Variants in NTRK3 observed in about 807,000 individuals in gnomAD.
NTRK3 encodes the protein NT-3 growth factor receptor.
NTRK3 carries 24 observed loss-of-function variants against 91.7 expected under a neutral mutation model. The observed-to-expected ratio is 0.26, with a 90% confidence interval of 0.19 to 0.37. The LOEUF is 0.37. NTRK3 is among the 10% of genes least tolerant of loss of function. The probability of loss-of-function intolerance (pLI) is 1.00; values close to 1 mark genes in which losing one functional copy is unlikely to be tolerated. For missense variants in NTRK3, 880 were observed against 1,068.9 expected, an observed-to-expected ratio of 0.82 and a Z score of 2.46; for synonymous variants, 483 against 404.0, an observed-to-expected ratio of 1.20 and a Z score of -2.34.
chr15:88,032,759 G>A, intron 14 of NTRK3, 98 bp downstream of exon 14: 6 of 1,334,924 alleles, frequency 4.5e-6, no homozygotes, highest in Non-Finnish European at 6.4e-6. Flanking sequence ...TTGGCAGGTA[G>A]CAGGTCACCC....
chr15:87,931,997 G>A (rs1288210321), intron 16 of NTRK3, among the ~76,000 whole-genome samples: 1 of 152,168 alleles, frequency 6.6e-6, no homozygotes, highest in African/African-American at 2.4e-5. Context: ...CTGCTTCCTG[G>A]GGCCTTGGGT....
At chr15:87,881,966 G>A (rs571501593) in intron 17 of NTRK3, among the ~76,000 whole-genome samples, 3 of 152,214 alleles carry the variant, frequency 2.0e-5, no homozygotes, top group Admixed American at 6.5e-5. Flanking sequence ...CGCGATCTCC[G>A]CTCACTGCAA....
chr15:88,011,709 A>T (rs1275107110), intron 14 of NTRK3, among the ~76,000 whole-genome samples: 3 of 152,162 alleles, frequency 2.0e-5, no homozygotes, highest in Non-Finnish European at 4.4e-5. Context: ...CTACATGGGG[A>T]GACACTTCCC....
At chr15:87,887,394 A>C (rs1313552581) in intron 17 of NTRK3, among the ~76,000 whole-genome samples, 2 of 152,192 alleles carry the variant, frequency 1.3e-5, no homozygotes, top group African/African-American at 2.4e-5. Context: ...CAAGCACTTA[A>C]CACCCTGTGC....
At chr15:87,893,186 G>C (rs951159622) in intron 17 of NTRK3, among the ~76,000 whole-genome samples, 3 of 152,096 alleles carry the variant, frequency 2.0e-5, no homozygotes, top group African/African-American at 7.2e-5. Context: ...TTTCCCCAAG[G>C]CTGTATCGTA....
chr15:88,069,296 G>T (rs1158343936), intron 13 of NTRK3, among the ~76,000 whole-genome samples: 2 of 152,190 alleles, frequency 1.3e-5, no homozygotes, highest in Admixed American at 6.5e-5. Context: ...GCTCATGGTA[G>T]AGCACCCCAA....
At chr15:88,203,529 G>A (rs572205930) in intron 3 of NTRK3, among the ~76,000 whole-genome samples, 18 of 152,298 alleles carry the variant, frequency 1.2e-4, no homozygotes, top group Admixed American at 6.5e-4. Flanking sequence ...GGCACCAAGA[G>A]GTTGAGCGAC....
intron 14 of NTRK3, among the ~76,000 whole-genome samples, chr15:87,998,862 C>T (rs960807640): frequency 6.6e-6 from 1 of 152,072 alleles, no homozygotes; most frequent in Non-Finnish European, 1.5e-5. Context: ...TGATGAAGTT[C>T]CAATAACCCT....
At chr15:88,155,496 C>T (rs1025071874) in intron 5 of NTRK3, among the ~76,000 whole-genome samples, 7 of 152,296 alleles carry the variant, frequency 4.6e-5, no homozygotes, top group East Asian at 1.9e-4. Flanking sequence ...TGTTGTATTA[C>T]GTCACAAACT....
chr15:87,990,796 C>T (rs2075227470), intron 14 of NTRK3, among the ~76,000 whole-genome samples: 1 of 152,170 alleles, frequency 6.6e-6, no homozygotes, highest in African/African-American at 2.4e-5. Flanking sequence ...ACATACCAAA[C>T]AAATGTATGC....
intron 14 of NTRK3, chr15:87,977,809 G>A (rs1311654766): frequency 6.9e-5 from 16 of 232,432 alleles, no homozygotes; most frequent in Admixed American, 2.2e-4. Context: ...TTGCAGAATC[G>A]GGCTGGGATC....
chr15:88,063,957 T>C (rs1480384918), intron 13 of NTRK3, among the ~76,000 whole-genome samples: 1 of 152,184 alleles, frequency 6.6e-6, no homozygotes, highest in Non-Finnish European at 1.5e-5. Context: ...CCTCAGAATG[T>C]GACCTTATCT....
At position 87,912,931 on chromosome 15, in the gene NTRK3, A is replaced by ATATATATATATATATATAT. The variant is rs1567099538; in HGVS notation, c.2133+16259_2133+16260insATATATATATATATATATA. On this transcript the variant is annotated intron_variant, in intron 17 of 18. Transcript: ENST00000394480. ...TTCAACTTTTCAAAAAGTAAAAAAAAATATATATATATATATATATATATA... is the reference window on the plus strand; with the variant it reads ...TTCAACTTTTCAAAAAGTAAAAAAAATATATATATATATATATATATATATATATATATATATATATATA... 1.6e-4 allele frequency among the ~76,000 whole-genome samples: 6 copies of ATATATATATATATATATAT among 36,460 alleles called. 1 individual carries two copies. Among genetic ancestry groups the ATATATATATATATATATAT allele is most frequent in the Admixed American group, 3.3e-4 (1 of 3,038 alleles). The allele number at this position is 36,460 out of a possible 152,430, so 23.9% of individuals were successfully genotyped here.
intron 13 of NTRK3, among the ~76,000 whole-genome samples, chr15:88,087,966 G>C (rs2048660499): frequency 1.3e-5 from 2 of 152,158 alleles, no homozygotes; most frequent in Non-Finnish European, 1.5e-5. Flanking sequence ...TGGAAGAATT[G>C]CTTGAACCCA....
At chr15:88,025,082 AG>A (rs2077918265) in intron 14 of NTRK3, among the ~76,000 whole-genome samples, 1 of 152,240 alleles carries the variant, frequency 6.6e-6, no homozygotes, top group Non-Finnish European at 1.5e-5. Context: ...ACACTTCACC[AG>A]GCACACCAAG....
At chr15:87,953,661 G>A (rs2071372692) in intron 14 of NTRK3, among the ~76,000 whole-genome samples, 1 of 152,160 alleles carries the variant, frequency 6.6e-6, no homozygotes, top group African/African-American at 2.4e-5. Context: ...GGTCTCTGGG[G>A]CATCAGCCTC....
chr15:88,196,018 A>C (rs544958167), intron 3 of NTRK3, among the ~76,000 whole-genome samples: 1 of 152,332 alleles, frequency 6.6e-6, no homozygotes, highest in African/African-American at 2.4e-5. Flanking sequence ...AATTCACTCA[A>C]TATGGAAGTT....
At chr15:88,192,159 C>G (rs1482800355) in intron 3 of NTRK3, among the ~76,000 whole-genome samples, 1 of 152,220 alleles carries the variant, frequency 6.6e-6, no homozygotes, top group Non-Finnish European at 1.5e-5. Flanking sequence ...GAATGAAGAA[C>G]GTTTGTGCAC....
chr15:88,214,464 CTT>C (rs977162454), intron 3 of NTRK3, among the ~76,000 whole-genome samples: 13 of 152,212 alleles, frequency 8.5e-5, no homozygotes, highest in African/African-American at 2.9e-4. Context: ...TAGGGCCCCT[CTT>C]AATGCTATAT....
Sources: allele counts gnomAD v4.1 joint callset (sites outside exome capture counted in the v4.1 genomes callset), GRCh38; gene constraint gnomAD v4.1.1; transcripts MANE v1.5; gene names NCBI Gene and HGNC (gene_info 2026-07-23, HGNC 2026-07-21).